NAALADL2: variants seen among roughly 807,000 people sequenced by gnomAD.
NAALADL2 encodes the protein inactive N-acetylated-alpha-linked acidic dipeptidase-like protein 2.
In NAALADL2, 76 loss-of-function variants were observed where a neutral mutation model predicts 87.2. The observed-to-expected ratio is 0.87, with a 90% CI of 0.72 to 1.05. The LOEUF (loss-of-function observed/expected upper bound fraction) is 1.05, where lower values mean the gene tolerates loss of function less well. Among genes scored for constraint, NAALADL2 ranks in the 50% least tolerant of loss-of-function variants. The pLI is 0.00. For missense variants in NAALADL2, 1,089 were observed against 945.8 expected (o/e 1.15, Z -1.99); for synonymous variants, 354 against 331.0 (o/e 1.07, Z -0.75).
At chr3:175,327,075 AT>A (rs1431880562) in intron 5 of NAALADL2, among the ~76,000 whole-genome samples, 1 of 152,028 alleles carries the variant, frequency 6.6e-6, no homozygotes, top group Non-Finnish European at 1.5e-5. Context: ...GGTTTTTAAT[AT>A]AAACAAAGTA....
chr3:175,347,903 A>T (rs934827612), intron 5 of NAALADL2, among the ~76,000 whole-genome samples: 4 of 151,946 alleles, frequency 2.6e-5, no homozygotes, highest in African/African-American at 9.7e-5. Flanking sequence ...AACCTCCAAC[A>T]GGCCCCAGTA....
At chr3:175,018,007 G>T (rs1397382587) in intron 1 of NAALADL2, among the ~76,000 whole-genome samples, 1 of 151,922 alleles carries the variant, frequency 6.6e-6, no homozygotes, top group Non-Finnish European at 1.5e-5. Flanking sequence ...GCTTAGGGTC[G>T]CATAAAACCT....
chr3:175,790,708 T>C (rs9835666), intron 13 of NAALADL2, among the ~76,000 whole-genome samples: 4,933 of 152,312 alleles, frequency 0.032, 224 homozygotes, highest in African/African-American at 0.11. Flanking sequence ...ATTAATAATC[T>C]TTTCAGTTAT....
chr3:175,301,140 G>C (rs1230756325), intron 4 of NAALADL2, among the ~76,000 whole-genome samples: 1 of 152,066 alleles, frequency 6.6e-6, no homozygotes, highest in Non-Finnish European at 1.5e-5. Flanking sequence ...TCCTCTGCTA[G>C]CTTTTGAATT....
At chr3:175,716,161 T>C (rs749058147) in intron 11 of NAALADL2, among the ~76,000 whole-genome samples, 1 of 146,716 alleles carries the variant, frequency 6.8e-6, no homozygotes, top group Non-Finnish European at 1.5e-5. Flanking sequence ...ATATAATATA[T>C]AATATATTGG....
chr3:175,128,086 C>T (rs1646411786), intron 2 of NAALADL2, among the ~76,000 whole-genome samples: 1 of 152,064 alleles, frequency 6.6e-6, no homozygotes, highest in African/African-American at 2.4e-5. Context: ...TGAATGTTAT[C>T]ATCTCTTGGT....
In NAALADL2 at chr3:174,496,986, A is replaced by C. The variant is rs1417131302; in HGVS notation, c.-183-53583A>C. Reference sequence around the variant, plus strand: ...AACCCCATAATTTACTTGTTCCATTACTTGCTTATCAGTAAAAATGTGTAA... The same window carrying C: ...AACCCCATAATTTACTTGTTCCATTCCTTGCTTATCAGTAAAAATGTGTAA... On this transcript the variant is annotated intron_variant, in intron 1 of 3. Coordinates refer to the NAALADL2 transcript ENST00000434257. Among the ~76,000 whole-genome samples the C allele has an allele frequency of 2.0e-5, 3 of 152,168 alleles. No homozygotes were observed. The East Asian group carries it at 5.8e-4, about 29-fold the overall frequency.
At chr3:174,783,310 C>G (rs537503900) in intron 3 of NAALADL2, among the ~76,000 whole-genome samples, 19 of 152,106 alleles carry the variant, frequency 1.2e-4, no homozygotes, top group Non-Finnish European at 2.5e-4. Context: ...TTCTTTCCTG[C>G]CTTGTTCCCT....
At chr3:175,507,687 G>T (rs1255332923) in intron 9 of NAALADL2, among the ~76,000 whole-genome samples, 1 of 152,152 alleles carries the variant, frequency 6.6e-6, no homozygotes, top group Non-Finnish European at 1.5e-5. Flanking sequence ...GCCTCCCAAA[G>T]TGCTGGGATT....
At position 174,452,123 on chromosome 3, in the gene NAALADL2, A is replaced by G. The variant is rs1454347221; in HGVS notation, c.-184+11091A>G. On this transcript the variant is annotated intron_variant, in intron 1 of 3. Transcript: ENST00000434257. ...CTCCCAAAGTGCTGGAATTATAGGC[A>G]TGAGCCACTAGGCCTGGCCGATAGT... Among the ~76,000 whole-genome samples, 6 of 151,904 alleles carry G rather than the reference A, an allele frequency of 3.9e-5. 1 individual carries two copies. Among genetic ancestry groups the G allele is most frequent in the Admixed American group, 3.9e-4 (6 of 15,246 alleles).
intron 5 of NAALADL2, chr3:175,397,144 T>C (rs1769903913): frequency 6.6e-6 from 1 of 152,080 alleles, no homozygotes; most frequent in Non-Finnish European, 1.5e-5. Context: ...ACAACACCTA[T>C]TTGTCTATAT....
chr3:174,810,609 A>T (rs1720065206), intron 3 of NAALADL2, among the ~76,000 whole-genome samples: 1 of 152,016 alleles, frequency 6.6e-6, no homozygotes, highest in Admixed American at 6.6e-5. Flanking sequence ...AAAAAAAAAA[A>T]AAATGATCCA....
intron 3 of NAALADL2, among the ~76,000 whole-genome samples, chr3:174,756,646 T>C (rs1209046298): frequency 6.6e-6 from 1 of 152,238 alleles, no homozygotes; most frequent in Non-Finnish European, 1.5e-5. Flanking sequence ...CATGAACAGA[T>C]AGAGATCTGC....
intron 1 of NAALADL2, among the ~76,000 whole-genome samples, chr3:174,959,036 T>A (rs1741584307): frequency 6.6e-6 from 1 of 152,092 alleles, no homozygotes; most frequent in Non-Finnish European, 1.5e-5. Flanking sequence ...GCTGGAGAAG[T>A]CTAATTCAGG....
At chr3:174,806,301 C>G (rs1392809815) in intron 3 of NAALADL2, among the ~76,000 whole-genome samples, 1 of 152,180 alleles carries the variant, frequency 6.6e-6, no homozygotes, top group Non-Finnish European at 1.5e-5. Flanking sequence ...TCAGCCAACA[C>G]CACAGGGACA....
intron 5 of NAALADL2, among the ~76,000 whole-genome samples, chr3:175,337,708 C>G (rs6788338): frequency 0.38 from 58,176 of 151,936 alleles, 11,464 homozygotes; most frequent in South Asian, 0.5. Context: ...CAAACTAATA[C>G]AAAAACAAAC....
At chr3:174,509,361 G>GGA (rs574875378) in intron 1 of NAALADL2, among the ~76,000 whole-genome samples, 8 of 148,710 alleles carry the variant, frequency 5.4e-5, no homozygotes, top group Admixed American at 1.3e-4. Context: ...CATAGTGGGT[G>GGA]GAGAGAGAGA....
At chr3:175,590,011 GA>G (rs1190892518) in intron 10 of NAALADL2, among the ~76,000 whole-genome samples, 2 of 151,932 alleles carry the variant, frequency 1.3e-5, no homozygotes, top group African/African-American at 4.8e-5. Context: ...AGGAGATCGA[GA>G]CCATCCTGGC....
intron 2 of NAALADL2, among the ~76,000 whole-genome samples, chr3:175,216,946 C>A (rs369162502): frequency 6.6e-6 from 1 of 152,036 alleles, no homozygotes; most frequent in Non-Finnish European, 1.5e-5. Flanking sequence ...GGATTACAGG[C>A]GTGAGCCACT....
Sources: gnomAD v4.1 joint callset for allele counts (sites outside exome capture counted in the v4.1 genomes callset) on GRCh38, gnomAD v4.1.1 for gene constraint, MANE v1.5 for transcripts, NCBI Gene and HGNC (gene_info 2026-07-23, HGNC 2026-07-21) for gene names.